The following ADH1B variants were observed in gnomAD, a reference collection of about 807,000 sequenced individuals.
ADH1B encodes the protein alcohol dehydrogenase 1B (class I), beta polypeptide.
A neutral mutation model predicts 34.6 loss-of-function variants in ADH1B; 29 were observed. The ratio of observed to expected loss-of-function variants is 0.84; its 90% CI spans 0.62 to 1.14. The LOEUF (loss-of-function observed/expected upper bound fraction) is 1.14, where lower values mean the gene tolerates loss of function less well. ADH1B is among the 50% of genes most tolerant of loss of function. The pLI, the probability that ADH1B is intolerant of heterozygous loss-of-function variation, is 0.00. For missense variants in ADH1B, 424 were observed against 468.4 expected (o/e 0.91, Z 0.87); for synonymous variants, 170 against 175.5 (o/e 0.97, Z 0.25).
At chr4:99,313,286 A>C (rs1733797441) in intron 6 of ADH1B, among the ~76,000 whole-genome samples, 1 of 152,106 alleles carries the variant, frequency 6.6e-6, no homozygotes, top group Non-Finnish European at 1.5e-5. Context: ...GGCACTGTCC[A>C]GTTTCTGTGA....
chr4:99,308,414 AGAT>A (rs28914784), intron 8 of ADH1B, among the ~76,000 whole-genome samples: 6,679 of 150,584 alleles, frequency 0.044, 469 homozygotes, highest in African/African-American at 0.15. Context: ...AAAAATTATA[AGAT>A]GATGGATAAC....
chr4:99,319,126 G>A, intron 1 of ADH1B: 1 of 576,610 alleles, frequency 1.7e-6, no homozygotes, highest in Non-Finnish European at 3.1e-6. Context: ...TATTTATTTA[G>A]GCCATTCTTA....
intron 5 of ADH1B, chr4:99,314,441 C>G (rs1209451840): frequency 3.9e-6 from 1 of 255,390 alleles, no homozygotes; most frequent in Non-Finnish European, 7.5e-6. Context: ...TCTTTGAGAT[C>G]CAGATGGCAG....
chr4:99,311,843 T>C (rs1337681895), intron 6 of ADH1B, among the ~76,000 whole-genome samples, 187 bp from the exon 7 acceptor site: 2 of 152,160 alleles, frequency 1.3e-5, no homozygotes, highest in African/African-American at 4.8e-5. Context: ...GCCCAGAAAA[T>C]GGTTTTTTAA....
rs2110627527 is a variant in ADH1B at position 99,307,615 on chromosome 4, A to C, written c.*225T>G. ...TTAAGAAGGAAGGTTTGTTGGCTTC[A>C]ATTCCCCAGCTGATGTTCAACACTT... On this transcript the variant is annotated 3_prime_UTR_variant, in exon 9 of 9. Coordinates refer to ENST00000305046, the MANE Select transcript of ADH1B (RefSeq NM_000668.6). The C allele has an allele frequency of 1.7e-6, 1 of 597,616 alleles. No homozygotes were observed. Among genetic ancestry groups the C allele is most frequent in the East Asian group, 3.0e-5 (1 of 33,034 alleles). 37.0% of individuals were successfully genotyped at this position (597,616 alleles called of 1,614,324 possible). A position where few individuals can be genotyped will look rare whatever the true frequency, so the allele number is the denominator to read the frequency against.
intron 8 of ADH1B, 57 bp from the exon 9 acceptor site, chr4:99,307,921 G>T: frequency 6.2e-7 from 1 of 1,609,958 alleles, no homozygotes. Context: ...CATGCTTGTT[G>T]TGAGAGTCCA....
chr4:99,318,369 C>T (rs1452000136), intron 2 of ADH1B, 185 bp from the exon 3 acceptor site: 1 of 702,488 alleles, frequency 1.4e-6, no homozygotes, highest in Non-Finnish European at 2.3e-6. Context: ...CCCTTCTCTA[C>T]CTTCCCTTCT....
rs1304700420 is a variant in ADH1B at position 99,307,826 on chromosome 4, G to A, written c.*14C>T. 6.2e-7 allele frequency: 1 copy of A among 1,613,730 alleles called. No individual in the cohort carries two copies. Among genetic ancestry groups the A allele is most frequent in the Non-Finnish European group, 8.5e-7 (1 of 1,179,710 alleles). ...AGGCTGAAGACTGCTACAGGGGAAG[G>A]CATCTCTATTGCCTCAAAACGTCAG... On this transcript the variant is annotated 3_prime_UTR_variant, in exon 9 of 9. Transcript: ENST00000305046.
In ADH1B at chr4:99,305,985, C is replaced by T. The variant is rs1733602160; in HGVS notation, c.*1855G>A. 6.6e-6 allele frequency: 1 copy of T among 152,178 alleles called. No homozygotes were observed. The highest frequency in any genetic ancestry group is 2.1e-4 in the South Asian group (1 of 4,832). 9.4% of individuals were successfully genotyped at this position (152,178 alleles called of 1,614,324 possible). On this transcript the variant is annotated 3_prime_UTR_variant, in exon 9 of 9. Transcript: ENST00000305046. The stretch of plus-strand genomic sequence containing the variant: ...ACGGACATTCTGAAAACTTTCTTGA[C>T]CCTGAGTAACTCCTTCAGCATTTTC...
chr4:99,316,056 G>T lies in ADH1B; in HGVS notation c.409C>A (p.Pro137Thr). The change falls in exon 5 of 9, where the codon CCC becomes ACC. Residue 137 changes from proline to threonine, a missense_variant. Pro to Thr is a conservative substitution (Grantham distance 38). Transcript: ENST00000305046. ...GTRRFTCRGK[P>T]IHHFLGTSTF... ...CTGGTGCCAAGGAAGTGGTGAATGG[G>T]CTTCCCCCTGCAGGTGAACCTCCTG... is the stretch of plus-strand genomic sequence containing the variant. 6.2e-7 allele frequency: 1 copy of T among 1,614,188 alleles called. No homozygotes were observed. Among genetic ancestry groups the T allele is most frequent in the South Asian group, 1.1e-5 (1 of 91,086 alleles).
In ADH1B at chr4:99,305,102, AT is replaced by A. The variant is rs1733567992; in HGVS notation, c.*2737del. 6.6e-6 allele frequency: 1 copy of A among 151,082 alleles called. No individual in the cohort carries two copies. Among genetic ancestry groups the A allele is most frequent in the South Asian group, 2.1e-4 (1 of 4,784 alleles). 9.4% of individuals were successfully genotyped at this position (151,082 alleles called of 1,614,324 possible). ...TGTTCATTTTCCTCTTTGGTTGTCT[AT>A]TTTTAAATGAAAAAGCACCAGGATT... On this transcript the variant is annotated 3_prime_UTR_variant, in exon 9 of 9. Transcript: ENST00000305046.
rs754699804 is a variant in ADH1B at position 99,314,071 on chromosome 4, C to A, written c.578G>T (p.Gly193Val). The change falls in exon 6 of 9, where the codon GGC (glycine) becomes GTC (valine). Residue 193 changes from glycine (G) to valine (V), a missense_variant. By Grantham distance (109) the Gly-to-Val change is moderately radical. Around this residue, in one of 3 missense-constraint regions of ADH1B, gnomAD observed 291 missense variants for 300.4 expected, o/e 0.97. Coordinates refer to ENST00000305046, the MANE Select transcript of ADH1B (RefSeq NM_000668.6). Reference sequence around the variant, plus strand: ...CAGGCCAAACACAGCACAGGTAGAGCCTGGGGTGACCTGTGTTTTCAGAAA... The same window carrying A: ...CAGGCCAAACACAGCACAGGTAGAGACTGGGGTGACCTGTGTTTTCAGAAA... ...SAVNVAKVTPGSTCAVFGLGG... is the reference protein window; with the variant it reads ...SAVNVAKVTPVSTCAVFGLGG... The A allele has an allele frequency of 1.9e-6, 3 of 1,612,598 alleles. No homozygotes were observed. The highest frequency in any genetic ancestry group is 1.3e-5 in the African/African-American group (1 of 74,808).
chr4:99,306,475 C>T lies in ADH1B; in HGVS notation c.*1365G>A, dbSNP rs1733613151. 6.6e-6 allele frequency: 1 copy of T among 152,126 alleles called. No homozygotes were observed. Among genetic ancestry groups the T allele is most frequent in the African/African-American group, 2.4e-5 (1 of 41,428 alleles). The allele number at this position is 152,126 out of a possible 1,614,324, so 9.4% of individuals were successfully genotyped here. A position where few individuals can be genotyped will look rare whatever the true frequency, so the allele number is the denominator to read the frequency against. The stretch of plus-strand genomic sequence containing the variant: ...CAAAGGATGAACAAGCTCAGAGAGC[C>T]TGAGAGACTTACTGAAGATCACACA... On this transcript the variant is annotated 3_prime_UTR_variant, in exon 9 of 9. Transcript: ENST00000305046.
At chr4:99,320,818 C>A in intron 1 of ADH1B, 1 of 1,211,040 alleles carries the variant, frequency 8.3e-7, no homozygotes, top group East Asian at 6.1e-5. Context: ...GCTGTGAAAT[C>A]AATGAGTATT....
chr4:99,307,757 AATG>A lies in ADH1B; in HGVS notation c.*80_*82del. 1 of 1,494,034 alleles carries A rather than the reference AATG, an allele frequency of 6.7e-7. No individual in the cohort carries two copies. The highest frequency in any genetic ancestry group is 1.1e-5 in the South Asian group (1 of 88,046). The allele number at this position is 1,494,034 out of a possible 1,614,324, so 92.5% of individuals were successfully genotyped here. A position where few individuals can be genotyped will look rare whatever the true frequency, so the allele number is the denominator to read the frequency against. On this transcript the variant is annotated 3_prime_UTR_variant, in exon 9 of 9. Transcript: ENST00000305046. ...GATAACATCTCTGAAGAGCTGAATT[AATG>A]ATATTTCCTAGCTGTTGCTCCAGAT...
chr4:99,311,596 G>A lies in ADH1B; in HGVS notation c.889C>T (p.Pro297Ser), dbSNP rs781341506. The change falls in exon 7 of 9, where the codon CCT becomes TCT. Residue 297 changes from proline to serine, a missense_variant. Around this residue, in one of 3 missense-constraint regions of ADH1B, gnomAD observed 130 missense variants for 151.8 expected, o/e 0.86. Coordinates refer to ENST00000305046, the MANE Select transcript of ADH1B (RefSeq NM_000668.6). ...TTTATTGAGAGGTTCTGGGAAGCAGGAGGTACCCCTACGATGACGCTTGTG... is the reference window on the plus strand; with the variant it reads ...TTTATTGAGAGGTTCTGGGAAGCAGAAGGTACCCCTACGATGACGCTTGTG... ...CGTSVIVGVPPASQNLSINPM... is the reference protein window; with the variant it reads ...CGTSVIVGVPSASQNLSINPM... 8.1e-6 allele frequency: 13 copies of A among 1,614,048 alleles called. No homozygotes were observed. In the South Asian group the frequency reaches 8.8e-5, roughly 11 times the overall value.
Position 99,313,872 on chromosome 4 carries a change from A to C in ADH1B, c.777T>G (p.Thr259=). Residue 259 remains threonine, a synonymous_variant, in exon 6 of 9, where the codon ACT becomes ACG. Coordinates refer to ENST00000305046, the MANE Select transcript of ADH1B (RefSeq NM_000668.6). ...CAAACGAAAAATCCACACCTCCATC[A>C]GTCATTTCCTTTAGCACTTCCTGAA... ...KPIQEVLKEM[T]DGGVDFSFEV... 3.1e-6 allele frequency: 5 copies of C among 1,614,042 alleles called. No homozygotes were observed. The highest frequency in any genetic ancestry group is 4.2e-6 in the Non-Finnish European group (5 of 1,179,904).
chr4:99,317,871 A>C, intron 3 of ADH1B, 175 bp downstream of exon 3: 2 of 1,004,246 alleles, frequency 2.0e-6, no homozygotes, highest in Non-Finnish European at 2.9e-6. Flanking sequence ...TGAGTGCCTG[A>C]ATGCATACAT....
intron 8 of ADH1B, among the ~76,000 whole-genome samples, chr4:99,310,546 G>A (rs868600785): frequency 6.6e-6 from 1 of 152,054 alleles, no homozygotes; most frequent in Non-Finnish European, 1.5e-5. Flanking sequence ...CAGATTTGCA[G>A]TAATCAACGT....
Sources: allele counts gnomAD v4.1 joint callset (sites outside exome capture counted in the v4.1 genomes callset), GRCh38; gene constraint gnomAD v4.1.1; regional missense constraint gnomAD v4.1.1; transcripts MANE v1.5; gene names NCBI Gene and HGNC (gene_info 2026-07-23, HGNC 2026-07-21).